TRAK1: variants seen among roughly 807,000 people sequenced by gnomAD.
TRAK1 encodes trafficking kinesin protein 1.
In TRAK1, 33 loss-of-function variants were observed where a neutral mutation model predicts 92.1. That is an observed-to-expected ratio of 0.36 (90% confidence interval 0.27 to 0.48). The LOEUF (loss-of-function observed/expected upper bound fraction) is 0.48, where lower values mean the gene tolerates loss of function less well. Among genes scored for constraint, TRAK1 ranks in the 20% least tolerant of loss-of-function variants. TRAK1 has a pLI of 0.99. For synonymous variants in TRAK1, 521 were observed against 517.3 expected, an observed-to-expected ratio of 1.01 and a Z score of -0.10; for missense variants, 1,123 against 1,257.9, an observed-to-expected ratio of 0.89 and a Z score of 1.62.
upstream of TRAK1, among the ~76,000 whole-genome samples, chr3:42,089,053 G>T (rs965171330): frequency 3.3e-5 from 5 of 152,114 alleles, no homozygotes. Context: ...TGTCTAACAG[G>T]CATGTCAAAC....
In TRAK1 at chr3:42,024,851, G is replaced by A. The variant is rs141542110; in HGVS notation, c.-519+10734G>A. Among the ~76,000 whole-genome samples the A allele has an allele frequency of 5.1e-3, 775 of 152,242 alleles. 10 individuals carry two copies. Among genetic ancestry groups the A allele is most frequent in the South Asian group, 0.032 (152 of 4,814 alleles). On this transcript the variant is annotated intron_variant, in intron 1 of 16. Coordinates refer to the TRAK1 transcript ENST00000487159. Reference sequence around the variant, plus strand: ...TACCATAGCCATTTGACTCTTCCTGGCTGTCAGGATGTGTTGCCCTGGACT... The same window carrying A: ...TACCATAGCCATTTGACTCTTCCTGACTGTCAGGATGTGTTGCCCTGGACT...
intron 1 of TRAK1, among the ~76,000 whole-genome samples, chr3:42,097,719 G>A (rs1454595092): frequency 6.6e-6 from 1 of 152,070 alleles, no homozygotes; most frequent in Non-Finnish European, 1.5e-5. Context: ...CTTGGATTTC[G>A]AATTCTGGAT....
chr3:42,060,850 C>T lies in TRAK1; in HGVS notation c.-518-26254C>T, dbSNP rs151135262. Among the ~76,000 whole-genome samples, 325 of 152,122 alleles carry T rather than the reference C, an allele frequency of 2.1e-3. 4 individuals carry two copies. The highest frequency in any genetic ancestry group is 2.9e-3 in the African/African-American group (120 of 41,488). On this transcript the variant is annotated intron_variant, in intron 1 of 16. Transcript: ENST00000487159. ...TTCGCCATGTTGGCCAGGCTGGTCT[C>T]GAACTCCTGACCTCAGTTGATCTGC...
At chr3:42,212,404 A>T in intron 14 of TRAK1, 1 of 985,436 alleles carries the variant, frequency 1.0e-6, no homozygotes, top group Non-Finnish European at 1.2e-6. Context: ...TGATAGAAGG[A>T]AATTGGGAAA....
At chr3:42,103,073 G>T (rs1298543279) in intron 1 of TRAK1, among the ~76,000 whole-genome samples, 1 of 152,160 alleles carries the variant, frequency 6.6e-6, no homozygotes, top group Non-Finnish European at 1.5e-5. Flanking sequence ...TGGTGAATCT[G>T]TTCAATTTCA....
chr3:42,157,907 T>C (rs1221796113), intron 2 of TRAK1, among the ~76,000 whole-genome samples: 1 of 152,234 alleles, frequency 6.6e-6, no homozygotes, highest in African/African-American at 2.4e-5. Flanking sequence ...GGAATCTTTT[T>C]GTACTATCCA....
rs770590636 is a variant in TRAK1 at position 42,223,505 on chromosome 3, C to A, written c.2630C>A (p.Pro877His). 1 of 1,613,650 alleles carries A rather than the reference C, an allele frequency of 6.2e-7. No individual in the cohort carries two copies. The highest frequency in any genetic ancestry group is 1.1e-5 in the South Asian group (1 of 91,080). The stretch of plus-strand genomic sequence containing the variant: ...GAGCAGGGACCCCTCCTCTGTGGGC[C>A]CCCGGGGCCAGCACCAGCCCTTGTT... ...TEEQGPLLCG[P>H]PGPAPALVPR... Residue 877 changes from proline to histidine, a missense_variant, in exon 16 of 16, where the codon CCC becomes CAC. By Grantham distance (77) the Pro-to-His change is moderately conservative. This residue lies in a region of TRAK1 where 401 missense variants were observed against 438.9 expected (regional missense o/e 0.91). Coordinates refer to ENST00000327628, the MANE Select transcript of TRAK1 (RefSeq NM_001042646.3). This position sits in a 1 kb window ranked among gnomAD's most constrained non-coding sequence, Gnocchi z 6.1.
Position 42,222,978 on chromosome 3 carries a change from C to A in TRAK1, c.2103C>A (p.Thr701=). Residue 701 remains threonine (T), a synonymous_variant, in exon 16 of 16, where the codon ACC becomes ACA. Coordinates refer to ENST00000327628, the MANE Select transcript of TRAK1 (RefSeq NM_001042646.3). ...NSAPTPACGS[T]SHLKSTPVAT... The stretch of plus-strand genomic sequence containing the variant: ...CCCCAACTCCAGCTTGTGGCAGCAC[C>A]AGCCACTTGAAATCCACGCCGGTGG... The A allele has an allele frequency of 1.2e-6, 2 of 1,614,066 alleles. No individual in the cohort carries two copies. Among genetic ancestry groups the A allele is most frequent in the African/African-American group, 1.3e-5 (1 of 75,046 alleles).
intron 1 of TRAK1, among the ~76,000 whole-genome samples, chr3:42,016,228 A>G (rs1473493990): frequency 6.6e-6 from 1 of 150,926 alleles, no homozygotes; most frequent in African/African-American, 2.4e-5. Flanking sequence ...TTTTTGAGTC[A>G]GAGTGTCGCT....
chr3:42,200,177 T>C (rs1290573612), intron 11 of TRAK1, among the ~76,000 whole-genome samples: 1 of 152,214 alleles, frequency 6.6e-6, no homozygotes, highest in Non-Finnish European at 1.5e-5. Context: ...TGAGGTTTGG[T>C]ATATGTGTGA....
At chr3:42,147,145 A>C (rs1410318047) in intron 2 of TRAK1, among the ~76,000 whole-genome samples, 5 of 152,120 alleles carry the variant, frequency 3.3e-5, no homozygotes, top group African/African-American at 1.2e-4. Context: ...AATATTAAAG[A>C]CTAGAGGGAG....
At chr3:42,017,339 A>G (rs1701565720) in intron 1 of TRAK1, among the ~76,000 whole-genome samples, 2 of 152,214 alleles carry the variant, frequency 1.3e-5, no homozygotes, top group South Asian at 4.1e-4. Flanking sequence ...TGATTTTTGT[A>G]GGGAAAGACA....
At chr3:42,039,577 T>A (rs1323768333) in intron 1 of TRAK1, among the ~76,000 whole-genome samples, 1 of 152,248 alleles carries the variant, frequency 6.6e-6, no homozygotes. Flanking sequence ...TTGGCCAGGC[T>A]GGTCTCAAAC....
chr3:42,208,567 A>T (rs1301837041), intron 13 of TRAK1, among the ~76,000 whole-genome samples: 5 of 152,232 alleles, frequency 3.3e-5, no homozygotes, highest in Non-Finnish European at 7.3e-5. Flanking sequence ...TCCCCAGGGC[A>T]ACCTGGTATC....
upstream of TRAK1, among the ~76,000 whole-genome samples, chr3:42,090,411 C>T (rs1247122329): frequency 1.3e-5 from 2 of 152,174 alleles, no homozygotes; most frequent in African/African-American, 2.4e-5. Flanking sequence ...CACAGCTGGG[C>T]GTGGTGGCTC....
intron 2 of TRAK1, among the ~76,000 whole-genome samples, chr3:42,158,787 C>CAAAAAAAAAAAA (rs149521969): frequency 2.5e-4 from 17 of 69,306 alleles, no homozygotes; most frequent in Non-Finnish European, 3.7e-4. Flanking sequence ...ACAAAAAATA[C>CAAAAAAAAAAAA]AAAAAAAAAA....
intron 2 of TRAK1, among the ~76,000 whole-genome samples, chr3:42,126,227 C>T (rs1274109447): frequency 6.6e-6 from 1 of 151,592 alleles, no homozygotes; most frequent in African/African-American, 2.4e-5. Flanking sequence ...TCCTTAGAAA[C>T]TCACTGGGAA....
At chr3:42,185,544 G>C (rs974966255) in intron 4 of TRAK1, among the ~76,000 whole-genome samples, 2 of 152,110 alleles carry the variant, frequency 1.3e-5, no homozygotes, top group African/African-American at 4.8e-5. Flanking sequence ...GGGGTTGCTA[G>C]GGCAAGAATA....
At chr3:42,016,227 CAG>C (rs1159298279) in intron 1 of TRAK1, among the ~76,000 whole-genome samples, 1 of 150,708 alleles carries the variant, frequency 6.6e-6, no homozygotes, top group Non-Finnish European at 1.5e-5. Flanking sequence ...CTTTTTGAGT[CAG>C]AGTGTCGCTC....
Sources: allele counts gnomAD v4.1 joint callset (sites outside exome capture counted in the v4.1 genomes callset), GRCh38; gene constraint gnomAD v4.1.1; regional missense constraint gnomAD v4.1.1; non-coding constraint Gnocchi (gnomAD v3.1); transcripts MANE v1.5; gene names NCBI Gene and HGNC (gene_info 2026-07-23, HGNC 2026-07-21).